Variants in STK24 observed in about 807,000 individuals in gnomAD.
The protein encoded by STK24 is serine/threonine-protein kinase 24.
Under a neutral mutation model 55.6 loss-of-function variants are expected in STK24, and 21 were observed. The ratio of observed to expected loss-of-function variants is 0.38; its 90% confidence interval spans 0.27 to 0.54. The LOEUF (loss-of-function observed/expected upper bound fraction) is 0.54, where lower values mean the gene tolerates loss of function less well. Ranked by LOEUF, STK24 falls within the 20% of genes least tolerant of loss-of-function variation. STK24 has a pLI of 0.79. For synonymous variants in STK24, 200 were observed against 215.2 expected, an observed-to-expected ratio of 0.93 and a Z score of 0.62; for missense variants, 383 against 538.4, an observed-to-expected ratio of 0.71 and a Z score of 2.86.
In STK24 at chr13:98,499,372, G is replaced by A. The variant is rs190380385; in HGVS notation, c.274-17051C>T. Among the ~76,000 whole-genome samples the A allele has an allele frequency of 2.0e-5, 3 of 152,300 alleles. No individual in the cohort carries two copies. In the East Asian group the frequency reaches 5.8e-4, roughly 29 times the overall value. ...GAATTTAAATCAGGTCAGTCGGGTG[G>A]GGATGCGGCACCTGCATTTTCACAC... On this transcript the variant is annotated intron_variant, in intron 2 of 10. Transcript: ENST00000539966.
intron 1 of STK24, among the ~76,000 whole-genome samples, chr13:98,553,048 C>T (rs763151647): frequency 4.3e-4 from 66 of 152,212 alleles, no homozygotes; most frequent in Middle Eastern, 3.4e-3. Context: ...AGGGGAGACC[C>T]CGTGGGTGTG....
intron 2 of STK24, among the ~76,000 whole-genome samples, chr13:98,513,629 T>C (rs545404801): frequency 5.3e-5 from 8 of 152,320 alleles, no homozygotes; most frequent in Admixed American, 4.6e-4. Context: ...AGTTTCTCCA[T>C]ATGGTGGAGT....
intron 2 of STK24, among the ~76,000 whole-genome samples, chr13:98,486,338 A>G (rs530776328): frequency 2.0e-5 from 3 of 152,182 alleles, no homozygotes; most frequent in African/African-American, 4.8e-5. Flanking sequence ...ACAGACAGTC[A>G]ACATGGGCGC....
intron 8 of STK24, 92 bp downstream of exon 8, chr13:98,461,682 C>G (rs1442926705): frequency 3.9e-6 from 6 of 1,557,120 alleles, no homozygotes; most frequent in Non-Finnish European, 5.3e-6. Flanking sequence ...ACAAAGGACC[C>G]CAGCCGCACC....
At chr13:98,543,642 C>T (rs1050176493) in intron 1 of STK24, among the ~76,000 whole-genome samples, 5 of 152,164 alleles carry the variant, frequency 3.3e-5, no homozygotes, top group African/African-American at 4.8e-5. Flanking sequence ...CAGGAGACCC[C>T]GCACTGGGGC....
chr13:98,474,674 T>C, intron 5 of STK24, 147 bp downstream of exon 5: 1 of 1,036,932 alleles, frequency 9.6e-7, no homozygotes, highest in Non-Finnish European at 1.4e-6. Flanking sequence ...AGAAAACTGT[T>C]CATAACCAAG....
chr13:98,545,722 T>C (rs1156793656), intron 1 of STK24, among the ~76,000 whole-genome samples: 1 of 151,482 alleles, frequency 6.6e-6, no homozygotes, highest in African/African-American at 2.4e-5. Context: ...ATTAGACAAC[T>C]CAAATCCATT....
Position 98,577,082 on chromosome 13 carries a change from C to G in STK24, c.-296G>C, listed in dbSNP as rs1309339111. The G allele has an allele frequency of 6.9e-6, 1 of 145,758 alleles. No individual in the cohort carries two copies. Among genetic ancestry groups the G allele is most frequent in the Non-Finnish European group, 1.5e-5 (1 of 65,578 alleles). The allele number at this position is 145,758 out of a possible 1,614,324, so 9.0% of individuals were successfully genotyped here. A position where few individuals can be genotyped will look rare whatever the true frequency, so the allele number is the denominator to read the frequency against. On this transcript the variant is annotated 5_prime_UTR_variant, in exon 1 of 11. Coordinates refer to ENST00000539966, the MANE Select transcript of STK24 (RefSeq NM_001032296.4). This position sits in a 1 kb window ranked among gnomAD's most constrained non-coding sequence, Gnocchi z 4.1. Reference sequence around the variant, plus strand: ...GCTGGAGCCGGGCGGCCTGGGCCCGCGCGCGCTGGCCGCTGGAGCCGGAGT... The same window carrying G: ...GCTGGAGCCGGGCGGCCTGGGCCCGGGCGCGCTGGCCGCTGGAGCCGGAGT...
chr13:98,576,366 G>A (rs1432377288), intron 1 of STK24: 4 of 328,946 alleles, frequency 1.2e-5, no homozygotes, highest in Non-Finnish European at 1.7e-5. Flanking sequence ...ACCACGCAGG[G>A]CCCCGGGACC....
At chr13:98,481,584 G>A (rs1159710918) in intron 3 of STK24, among the ~76,000 whole-genome samples, 1 of 152,208 alleles carries the variant, frequency 6.6e-6, no homozygotes, top group Non-Finnish European at 1.5e-5. Flanking sequence ...AAGTTGTCAT[G>A]TGAAATATGA....
chr13:98,501,694 AAAC>A (rs1001184851), intron 2 of STK24, among the ~76,000 whole-genome samples: 1 of 152,196 alleles, frequency 6.6e-6, no homozygotes, highest in Admixed American at 6.5e-5. Context: ...AAAAATTTAA[AAAC>A]AATAAAAAAT....
At chr13:98,458,702 A>C (rs1893573614) in intron 9 of STK24, among the ~76,000 whole-genome samples, 2 of 152,174 alleles carry the variant, frequency 1.3e-5, no homozygotes, top group African/African-American at 4.8e-5. Flanking sequence ...AGGCGGCAGA[A>C]GGGCCGCCCT....
chr13:98,456,828 T>G (rs926443637), intron 10 of STK24: 52 of 414,754 alleles, frequency 1.3e-4, no homozygotes, highest in Admixed American at 3.8e-4. Context: ...AGATAGATAG[T>G]TACACACATC....
At chr13:98,546,273 T>C (rs1897026637) in intron 1 of STK24, among the ~76,000 whole-genome samples, 1 of 152,192 alleles carries the variant, frequency 6.6e-6, no homozygotes. Context: ...GGCAGTGCTA[T>C]CCCAGATGAT....
chr13:98,552,078 A>C (rs934696015), intron 1 of STK24, among the ~76,000 whole-genome samples: 1 of 152,186 alleles, frequency 6.6e-6, no homozygotes. Context: ...GAACCACAGA[A>C]TCCTTCCTCT....
At chr13:98,554,276 T>C (rs1897233168) in intron 1 of STK24, among the ~76,000 whole-genome samples, 1 of 152,092 alleles carries the variant, frequency 6.6e-6, no homozygotes, top group Non-Finnish European at 1.5e-5. Context: ...AAAGAGTCCA[T>C]ACTTCCCAAA....
chr13:98,506,900 G>C (rs1011169985), intron 2 of STK24, among the ~76,000 whole-genome samples: 2 of 152,326 alleles, frequency 1.3e-5, no homozygotes, highest in South Asian at 2.1e-4. Context: ...AGTGTGAAAC[G>C]GTGACCCTGG....
intron 1 of STK24, among the ~76,000 whole-genome samples, chr13:98,566,959 T>C (rs1897591728): frequency 6.6e-6 from 1 of 152,214 alleles, no homozygotes; most frequent in Non-Finnish European, 1.5e-5. Context: ...GCTTCCAAAG[T>C]TCGACGAAAC....
intron 9 of STK24, among the ~76,000 whole-genome samples, chr13:98,459,911 C>T (rs568158505): frequency 7.9e-5 from 12 of 152,140 alleles, no homozygotes; most frequent in African/African-American, 2.7e-4. Context: ...AGGGAGTGGG[C>T]GTGGGGAGGC....
Sources: allele counts gnomAD v4.1 joint callset (sites outside exome capture counted in the v4.1 genomes callset), GRCh38; gene constraint gnomAD v4.1.1; non-coding constraint Gnocchi (gnomAD v3.1); transcripts MANE v1.5; gene names NCBI Gene and HGNC (gene_info 2026-07-23, HGNC 2026-07-21).